The following BMAL1 variants were observed in gnomAD, a reference collection of about 807,000 sequenced individuals.
The protein encoded by BMAL1 is basic helix-loop-helix ARNT-like protein 1.
the BMAL1 span, chr11:13,365,286 C>CAT: frequency 1.5e-5 from 4 of 263,406 alleles, no homozygotes; most frequent in South Asian, 2.9e-4. Flanking sequence ...TGCAGAAACA[C>CAT]ACACACACAC....
chr11:13,279,467 A>G, the BMAL1 span, among the ~76,000 whole-genome samples: 5 of 152,260 alleles, frequency 3.3e-5, 1 homozygote, highest in South Asian at 6.2e-4. Context: ...GGATCTGTGA[A>G]TTTGGGTTGG....
the BMAL1 span, among the ~76,000 whole-genome samples, chr11:13,284,250 A>T: frequency 3.5e-5 from 1 of 28,262 alleles, no homozygotes; most frequent in Non-Finnish European, 7.4e-5. Flanking sequence ...ATATATATAT[A>T]TATATATATA....
At chr11:13,324,025 T>G in the BMAL1 span, among the ~76,000 whole-genome samples, 3 of 152,228 alleles carry the variant, frequency 2.0e-5, no homozygotes, top group South Asian at 2.1e-4. Context: ...AATTAACATA[T>G]CTGTCATTTC....
At chr11:13,335,427 C>T in the BMAL1 span, among the ~76,000 whole-genome samples, 4 of 152,258 alleles carry the variant, frequency 2.6e-5, no homozygotes, top group East Asian at 1.9e-4. Flanking sequence ...ATGGGTACTT[C>T]GCGCCCCCTA....
At chr11:13,318,841 CT>C in the BMAL1 span, among the ~76,000 whole-genome samples, 1 of 152,034 alleles carries the variant, frequency 6.6e-6, no homozygotes, top group African/African-American at 2.4e-5. Context: ...CTTTTAAAAA[CT>C]TTTTTGTTTT....
At chr11:13,358,018 C>T in the BMAL1 span, among the ~76,000 whole-genome samples, 19 of 152,210 alleles carry the variant, frequency 1.2e-4, no homozygotes, top group African/African-American at 4.3e-4. Flanking sequence ...GGCCACACAG[C>T]GGGCTCCTCA....
chr11:13,368,566 G>C, the BMAL1 span, among the ~76,000 whole-genome samples: 1 of 152,192 alleles, frequency 6.6e-6, no homozygotes, highest in Non-Finnish European at 1.5e-5. Context: ...AGGTAGATGG[G>C]ATGGGAGGAA....
chr11:13,361,021 T>A, the BMAL1 span, among the ~76,000 whole-genome samples: 1 of 152,170 alleles, frequency 6.6e-6, no homozygotes, highest in Non-Finnish European at 1.5e-5. Context: ...TGAGAATTGC[T>A]TGAACCTGGG....
the BMAL1 span, chr11:13,386,819 G>T: frequency 6.4e-7 from 1 of 1,572,918 alleles, no homozygotes. Flanking sequence ...GAGTTTTACA[G>T]TCTGTGAAGC....
At chr11:13,329,498 A>G in the BMAL1 span, among the ~76,000 whole-genome samples, 2 of 152,182 alleles carry the variant, frequency 1.3e-5, no homozygotes, top group Non-Finnish European at 1.5e-5. Context: ...GCTGACATGA[A>G]AACCTCATGG....
the BMAL1 span, among the ~76,000 whole-genome samples, chr11:13,284,255 TATATA>T: frequency 4.0e-4 from 16 of 39,834 alleles, no homozygotes; most frequent in South Asian, 6.5e-4. Flanking sequence ...TATATATATA[TATATA>T]TATATATTTT....
chr11:13,291,958 A>G, the BMAL1 span, among the ~76,000 whole-genome samples: 1 of 152,242 alleles, frequency 6.6e-6, no homozygotes, highest in Non-Finnish European at 1.5e-5. Flanking sequence ...CAGGAACACA[A>G]GCTTCAATTG....
chr11:13,369,278 A>C, the BMAL1 span, among the ~76,000 whole-genome samples: 3 of 151,816 alleles, frequency 2.0e-5, no homozygotes, highest in African/African-American at 7.3e-5. Context: ...ATCATACATC[A>C]CCCTGTCCTA....
chr11:13,312,183 T>A, the BMAL1 span, among the ~76,000 whole-genome samples: 1 of 152,208 alleles, frequency 6.6e-6, no homozygotes, highest in Non-Finnish European at 1.5e-5. Flanking sequence ...TTGTGTATCA[T>A]CCCATTTCAT....
At chr11:13,338,561 G>A in the BMAL1 span, among the ~76,000 whole-genome samples, 1 of 152,200 alleles carries the variant, frequency 6.6e-6, no homozygotes, top group South Asian at 2.1e-4. Flanking sequence ...TAGGTGGGAG[G>A]AGGGATGGGT....
At chr11:13,317,052 T>A in the BMAL1 span, among the ~76,000 whole-genome samples, 2 of 152,194 alleles carry the variant, frequency 1.3e-5, no homozygotes, top group Non-Finnish European at 2.9e-5. Context: ...AAGGTTCTTG[T>A]GAGAGTGGAA....
At chr11:13,298,516 T>C in the BMAL1 span, among the ~76,000 whole-genome samples, 9 of 152,206 alleles carry the variant, frequency 5.9e-5, no homozygotes, top group African/African-American at 2.2e-4. Context: ...ATTTATTTGG[T>C]TTATTTTTAT....
the BMAL1 span, among the ~76,000 whole-genome samples, chr11:13,324,431 C>T: frequency 6.6e-6 from 1 of 152,178 alleles, no homozygotes; most frequent in Non-Finnish European, 1.5e-5. Context: ...TGCTGTCCTC[C>T]GCCTGAGCTG....
At chr11:13,369,742 C>G in the BMAL1 span, 5 of 1,611,848 alleles carry the variant, frequency 3.1e-6, no homozygotes. Flanking sequence ...ACAAGGACTT[C>G]CCCTCTACCT....
Sources: allele counts gnomAD v4.1 joint callset (sites outside exome capture counted in the v4.1 genomes callset), GRCh38; gene constraint gnomAD v4.1.1; transcripts MANE v1.5; gene names NCBI Gene and HGNC (gene_info 2026-07-23, HGNC 2026-07-21).